DSCAM: variants seen among roughly 807,000 people sequenced by gnomAD.
The protein encoded by DSCAM is cell adhesion molecule DSCAM.
In DSCAM, 47 loss-of-function variants were observed where a neutral mutation model predicts 217.7. The observed-to-expected ratio is 0.22, with a 90% confidence interval of 0.17 to 0.28. The LOEUF (loss-of-function observed/expected upper bound fraction) is 0.28, where lower values mean the gene tolerates loss of function less well. DSCAM is among the 10% of genes least tolerant of loss of function. The pLI, the probability that DSCAM is intolerant of heterozygous loss-of-function variation, is 1.00. For synonymous variants in DSCAM, 1,056 were observed against 1,015.3 expected (o/e 1.04, Z -0.76); for missense variants, 2,080 against 2,618.3 (o/e 0.79, Z 4.49).
At chr21:40,346,202 T>C (rs1156560347) in intron 6 of DSCAM, among the ~76,000 whole-genome samples, 1 of 152,228 alleles carries the variant, frequency 6.6e-6, no homozygotes, top group African/African-American at 2.4e-5. Flanking sequence ...TCTGCACAAA[T>C]TGATTACTTT....
intron 32 of DSCAM, among the ~76,000 whole-genome samples, chr21:40,018,277 T>A (rs1425057553): frequency 6.6e-6 from 1 of 152,218 alleles, no homozygotes; most frequent in African/African-American, 2.4e-5. Context: ...ACATTCAATC[T>A]CCTGAAAGTG....
intron 20 of DSCAM, among the ~76,000 whole-genome samples, chr21:40,097,815 C>T (rs1405476382): frequency 6.6e-6 from 1 of 151,040 alleles, no homozygotes; most frequent in Non-Finnish European, 1.5e-5. Flanking sequence ...GTGGTGGGTC[C>T]CTGTAGTCCC....
Position 40,532,888 on chromosome 21 carries a change from G to A in DSCAM, c.508+159922C>T, listed in dbSNP as rs865823288. Among the ~76,000 whole-genome samples the A allele has an allele frequency of 4.5e-3, 689 of 151,474 alleles. 5 individuals carry two copies. Among genetic ancestry groups the A allele is most frequent in the African/African-American group, 0.016 (656 of 41,152 alleles). The stretch of plus-strand genomic sequence containing the variant: ...AGGCTCTGTGTGTGTGTGTGTGTGT[G>A]TGTGTGTGTGTGTGTGTGTGTGCAC... On this transcript the variant is annotated intron_variant, in intron 3 of 32. Coordinates refer to ENST00000400454, the MANE Select transcript of DSCAM (RefSeq NM_001389.5).
At chr21:40,329,570 C>T (rs1304793575) in intron 8 of DSCAM, among the ~76,000 whole-genome samples, 7 of 151,096 alleles carry the variant, frequency 4.6e-5, no homozygotes, top group Admixed American at 1.3e-4. Context: ...GCCGAGATCG[C>T]GCCACTGCAC....
At chr21:40,593,136 A>G (rs757289971) in intron 3 of DSCAM, among the ~76,000 whole-genome samples, 10 of 152,172 alleles carry the variant, frequency 6.6e-5, no homozygotes, top group Non-Finnish European at 1.2e-4. Flanking sequence ...GAGTTAAAGC[A>G]TATGTTTTAT....
intron 3 of DSCAM, among the ~76,000 whole-genome samples, chr21:40,394,038 T>C (rs2075157084): frequency 6.6e-6 from 1 of 152,206 alleles, no homozygotes; most frequent in Non-Finnish European, 1.5e-5. Context: ...AAAGTTTCTG[T>C]GGTCAAATCT....
intron 15 of DSCAM, among the ~76,000 whole-genome samples, chr21:40,170,619 C>T (rs564717296): frequency 4.6e-4 from 70 of 152,260 alleles, no homozygotes; most frequent in African/African-American, 8.4e-4. Context: ...AGCTCTTAGG[C>T]AGGAAACTTT....
At chr21:40,228,201 G>C (rs1569011429) in intron 11 of DSCAM, among the ~76,000 whole-genome samples, 2 of 152,066 alleles carry the variant, frequency 1.3e-5, no homozygotes, top group Admixed American at 1.3e-4. Context: ...GTTGACCTTG[G>C]CCACCTGGCT....
At chr21:40,145,201 C>A (rs2090340494) in intron 16 of DSCAM, among the ~76,000 whole-genome samples, 1 of 152,180 alleles carries the variant, frequency 6.6e-6, no homozygotes, top group African/African-American at 2.4e-5. Context: ...GGGCTCGCTG[C>A]TGTGTGCCAG....
At chr21:40,210,032 CCTT>C (rs1174516452) in intron 11 of DSCAM, among the ~76,000 whole-genome samples, 1 of 152,164 alleles carries the variant, frequency 6.6e-6, no homozygotes, top group African/African-American at 2.4e-5. Context: ...CCCACTAACT[CCTT>C]CTTTACCCAG....
chr21:40,565,109 C>G (rs1482037029), intron 3 of DSCAM, among the ~76,000 whole-genome samples: 2 of 152,170 alleles, frequency 1.3e-5, no homozygotes, highest in African/African-American at 4.8e-5. Flanking sequence ...CCTTTGTATG[C>G]CTGCTGCCTT....
intron 4 of DSCAM, among the ~76,000 whole-genome samples, chr21:40,361,818 C>A (rs1263599777): frequency 2.0e-5 from 3 of 152,158 alleles, no homozygotes; most frequent in Non-Finnish European, 4.4e-5. Flanking sequence ...AGCTTTTAAA[C>A]AATTGAATTA....
chr21:40,791,689 T>C (rs539750516), intron 1 of DSCAM, among the ~76,000 whole-genome samples: 55 of 152,152 alleles, frequency 3.6e-4, no homozygotes, highest in African/African-American at 1.3e-3. Flanking sequence ...TTAAAAGATG[T>C]CATTATAGTT....
intron 1 of DSCAM, among the ~76,000 whole-genome samples, chr21:40,819,362 C>T (rs2091908376): frequency 6.6e-6 from 1 of 152,228 alleles, no homozygotes; most frequent in African/African-American, 2.4e-5. Flanking sequence ...TGTGAACCTT[C>T]CCCAGACAGT....
At chr21:40,394,166 C>T in intron 3 of DSCAM, among the ~76,000 whole-genome samples, 1 of 152,202 alleles carries the variant, frequency 6.6e-6, no homozygotes, top group East Asian at 1.9e-4. Context: ...AGTGAATTCA[C>T]ACTTATCTAC....
At chr21:40,737,576 G>T (rs1488701549) in intron 1 of DSCAM, among the ~76,000 whole-genome samples, 6 of 152,212 alleles carry the variant, frequency 3.9e-5, no homozygotes, top group Non-Finnish European at 8.8e-5. Context: ...AGGGGGCAAA[G>T]GTTGCAGTGA....
intron 10 of DSCAM, 79 bp from the exon 11 acceptor site, chr21:40,276,349 A>G (rs537087964): frequency 1.3e-5 from 18 of 1,335,240 alleles, no homozygotes; most frequent in Admixed American, 2.6e-5. Context: ...GTACACACAG[A>G]CTCATAAAGA....
intron 3 of DSCAM, among the ~76,000 whole-genome samples, chr21:40,669,553 T>C (rs1192286449): frequency 6.6e-6 from 1 of 151,450 alleles, no homozygotes; most frequent in Non-Finnish European, 1.5e-5. Context: ...ACAGATAAAA[T>C]TACTATCATT....
At chr21:40,791,052 C>T (rs1016374677) in intron 1 of DSCAM, among the ~76,000 whole-genome samples, 4 of 151,746 alleles carry the variant, frequency 2.6e-5, no homozygotes, top group Non-Finnish European at 5.9e-5. Context: ...GGCAAGGTGG[C>T]ACCTGCCTGT....
Sources: allele counts gnomAD v4.1 joint callset (sites outside exome capture counted in the v4.1 genomes callset), GRCh38; gene constraint gnomAD v4.1.1; transcripts MANE v1.5; gene names NCBI Gene and HGNC (gene_info 2026-07-23, HGNC 2026-07-21).